The following WNK3 variants were observed in gnomAD, a reference collection of about 807,000 sequenced individuals.
The protein encoded by WNK3 is WNK lysine deficient protein kinase 3, also known as serine/threonine-protein kinase WNK3.
A neutral mutation model predicts 116.7 loss-of-function variants in WNK3; 18 were observed. The observed-to-expected ratio is 0.15, with a 90% CI of 0.11 to 0.23. WNK3 has a LOEUF of 0.23. Among genes scored for constraint, WNK3 ranks in the 10% least tolerant of loss-of-function variants. WNK3 has a pLI of 1.00. For synonymous variants in WNK3, 404 were observed against 469.4 expected, an observed-to-expected ratio of 0.86 and a Z score of 1.80; for missense variants, 993 against 1,323.8, an observed-to-expected ratio of 0.75 and a Z score of 3.88.
intron 10 of WNK3, among the ~76,000 whole-genome samples, chrX:54,259,606 A>G (rs1655442853): frequency 9.0e-6 from 1 of 111,571 alleles, no homozygotes; most frequent in African/African-American, 3.3e-5. Context: ...GTTTTGAGTT[A>G]TTTTTCAATG....
intron 2 of WNK3, among the ~76,000 whole-genome samples, chrX:54,328,248 T>C (rs2069128753): frequency 9.0e-6 from 1 of 110,800 alleles, no homozygotes; most frequent in African/African-American, 3.3e-5. Context: ...TGTTTAATTA[T>C]ATAATAAATA....
At chrX:54,270,408 T>C (rs782687730) in intron 10 of WNK3, among the ~76,000 whole-genome samples, 2 of 106,571 alleles carry the variant, frequency 1.9e-5, no homozygotes, top group South Asian at 8.6e-4. Flanking sequence ...TCTTTTTTTT[T>C]TTTTTTTTTC....
intron 2 of WNK3, among the ~76,000 whole-genome samples, chrX:54,312,848 A>T (rs1557169994): frequency 9.0e-6 from 1 of 111,587 alleles, no homozygotes; most frequent in Non-Finnish European, 1.9e-5. Flanking sequence ...ATTTTTATGT[A>T]TATAAATTTT....
intron 22 of WNK3, among the ~76,000 whole-genome samples, chrX:54,215,988 C>G (rs782292385): frequency 9.0e-6 from 1 of 110,822 alleles, no homozygotes; most frequent in Non-Finnish European, 1.9e-5. Context: ...CCCCCAACCC[C>G]GTGCTCTCTG....
intron 15 of WNK3, among the ~76,000 whole-genome samples, chrX:54,250,938 T>TAAAGA (rs1557154018): frequency 2.7e-5 from 3 of 111,548 alleles, no homozygotes. Context: ...ATCTGGTATC[T>TAAAGA]GATTTACTAA....
At chrX:54,306,935 T>C (rs2068832358) in intron 5 of WNK3, among the ~76,000 whole-genome samples, 1 of 110,368 alleles carries the variant, frequency 9.1e-6, no homozygotes, top group Admixed American at 9.8e-5. Context: ...CAATTAAAAA[T>C]GATATTAATT....
chrX:54,350,970 G>A (rs1295065713), intron 1 of WNK3, among the ~76,000 whole-genome samples: 1 of 110,122 alleles, frequency 9.1e-6, no homozygotes. Flanking sequence ...AGTACAACAT[G>A]TATATTACAT....
At chrX:54,205,173 C>T (rs1300157879) in intron 22 of WNK3, among the ~76,000 whole-genome samples, 5 of 110,424 alleles carry the variant, frequency 4.5e-5, no homozygotes, top group Non-Finnish European at 9.5e-5. Context: ...CGAGATCACG[C>T]TACTGCACTC....
intron 20 of WNK3, among the ~76,000 whole-genome samples, chrX:54,234,668 T>C (rs1444594984): frequency 1.8e-5 from 2 of 109,439 alleles, no homozygotes; most frequent in Non-Finnish European, 3.8e-5. Context: ...CTACTAAAAA[T>C]ACAAAAAATT....
chrX:54,329,460 G>C (rs868941321), intron 2 of WNK3, among the ~76,000 whole-genome samples: 15 of 110,886 alleles, frequency 1.4e-4, no homozygotes, highest in African/African-American at 4.6e-4. Flanking sequence ...CCAGTATGTT[G>C]AAACCTGCCT....
rs5915084 is a variant in WNK3 at position 54,205,275 on chromosome X, A to C, written c.4871-3082T>G. On this transcript the variant is annotated intron_variant, in intron 22 of 23. Coordinates refer to ENST00000354646, the Ensembl canonical transcript of WNK3. Reference sequence around the variant, plus strand: ...ACCAACCAACCAACCAACCAAACAAACAAACAACAAAAAAAAGAACATTTC... The same window carrying C: ...ACCAACCAACCAACCAACCAAACAACCAAACAACAAAAAAAAGAACATTTC... 2.2e-3 allele frequency among the ~76,000 whole-genome samples: 227 copies of C among 103,196 alleles called. 1 individual carries two copies. Among genetic ancestry groups the C allele is most frequent in the Admixed American group, 8.6e-3 (84 of 9,743 alleles). The allele number at this position is 103,196 out of a possible 115,157, so 89.6% of individuals were successfully genotyped here.
At chrX:54,266,391 C>A (rs1223947784) in intron 10 of WNK3, among the ~76,000 whole-genome samples, 1 of 110,340 alleles carries the variant, frequency 9.1e-6, no homozygotes, top group Non-Finnish European at 1.9e-5. Context: ...TTTAATAGCA[C>A]AAGTCAACTA....
intron 10 of WNK3, among the ~76,000 whole-genome samples, chrX:54,271,226 T>G (rs1557159246): frequency 9.0e-6 from 1 of 111,680 alleles, no homozygotes; most frequent in African/African-American, 3.3e-5. Flanking sequence ...CTATAAGCAC[T>G]TAGGAGGAAA....
intron 1 of WNK3, among the ~76,000 whole-genome samples, chrX:54,342,221 C>G (rs1332998960): frequency 9.9e-5 from 11 of 111,507 alleles, no homozygotes; most frequent in African/African-American, 3.6e-4. Context: ...ATGATTGCAA[C>G]ATTGCACTCC....
chrX:54,199,718 C>T (rs1461321400), intron 23 of WNK3, among the ~76,000 whole-genome samples: 1 of 111,412 alleles, frequency 9.0e-6, no homozygotes, highest in Non-Finnish European at 1.9e-5. Flanking sequence ...CCTGTAATCT[C>T]GGCTACTCAG....
Position 54,345,282 on chromosome X carries a change from A to ATGTATG in WNK3, c.-119-11491_-119-11490insCATACA, listed in dbSNP as rs1569539566. Among the ~76,000 whole-genome samples, 577 of 100,787 alleles carry ATGTATG rather than the reference A, an allele frequency of 5.7e-3. 1 individual carries two copies. Among genetic ancestry groups the ATGTATG allele is most frequent in the Non-Finnish European group, 6.8e-3 (340 of 49,898 alleles). 87.5% of individuals were successfully genotyped at this position (100,787 alleles called of 115,157 possible). ...AACAACAACAACAACAACTATATATATATGTATGTATGTATGTATGTATGT... is the reference window on the plus strand; with the variant it reads ...AACAACAACAACAACAACTATATATATGTATGTATGTATGTATGTATGTATGTATGT... On this transcript the variant is annotated intron_variant, in intron 1 of 23. Transcript: ENST00000354646.
At chrX:54,261,275 GAAA>G (rs1248679197) in intron 10 of WNK3, among the ~76,000 whole-genome samples, 1 of 109,985 alleles carries the variant, frequency 9.1e-6, no homozygotes, top group Non-Finnish European at 1.9e-5. Context: ...AAAAGAAAAA[GAAA>G]AAGACAAGAC....
At chrX:54,249,444 C>T (rs782471132) in exon 17 of WNK3, 17 of 1,211,760 alleles carry the variant, frequency 1.4e-5, no homozygotes, top group Non-Finnish European at 1.9e-5. Context: ...GTGCCATTAT[C>T]TGCCTGTTAT....
At chrX:54,226,042 G>A (rs2087530581) in intron 22 of WNK3, among the ~76,000 whole-genome samples, 1 of 88,973 alleles carries the variant, frequency 1.1e-5, no homozygotes, top group African/African-American at 4.2e-5. Flanking sequence ...CTCAATGGGG[G>A]AAAAATAGTC....
Sources: allele counts gnomAD v4.1 joint callset (sites outside exome capture counted in the v4.1 genomes callset), GRCh38; gene constraint gnomAD v4.1.1; transcripts MANE v1.5; gene names NCBI Gene and HGNC (gene_info 2026-07-23, HGNC 2026-07-21).